The following ME3 variants were observed in gnomAD, a reference collection of about 807,000 sequenced individuals.
ME3 encodes NADP-dependent malic enzyme, mitochondrial.
A neutral mutation model predicts 68.9 loss-of-function variants in ME3; 48 were observed. The observed-to-expected ratio is 0.70, with a 90% confidence interval of 0.55 to 0.89. The LOEUF (loss-of-function observed/expected upper bound fraction) is 0.89. ME3 is among the 40% of genes least tolerant of loss of function. The pLI is 0.00. For synonymous variants in ME3, 320 were observed against 318.8 expected (o/e 1.00, Z -0.04); for missense variants, 675 against 797.4 (o/e 0.85, Z 1.85).
chr11:86,608,932 CAATT>C (rs1942354848), intron 2 of ME3, among the ~76,000 whole-genome samples: 1 of 152,104 alleles, frequency 6.6e-6, no homozygotes, highest in South Asian at 2.1e-4. Context: ...TAATGGATAA[CAATT>C]GACATGATCG....
At chr11:86,601,805 C>T (rs949130877) in intron 2 of ME3, among the ~76,000 whole-genome samples, 5 of 151,766 alleles carry the variant, frequency 3.3e-5, no homozygotes, top group East Asian at 1.9e-4. Flanking sequence ...CAATATACAC[C>T]AATAAATAAA....
chr11:86,562,735 A>G (rs965172462), intron 2 of ME3, among the ~76,000 whole-genome samples: 1 of 151,992 alleles, frequency 6.6e-6, no homozygotes, highest in South Asian at 2.1e-4. Context: ...GGAATATTGT[A>G]TGATGCTGAG....
chr11:86,442,860 G>T (rs1487712486), exon 14 of ME3: 2 of 1,613,638 alleles, frequency 1.2e-6, no homozygotes, highest in Non-Finnish European at 1.7e-6. Flanking sequence ...GGATGGTGCT[G>T]AGTGGTGGGT....
intron 2 of ME3, among the ~76,000 whole-genome samples, chr11:86,615,087 T>C (rs1410020202): frequency 6.6e-6 from 1 of 152,180 alleles, no homozygotes; most frequent in Non-Finnish European, 1.5e-5. Context: ...TTGAGGTCCT[T>C]TTGGACATTT....
At chr11:86,615,533 C>T (rs2135227432) in intron 2 of ME3, among the ~76,000 whole-genome samples, 1 of 152,294 alleles carries the variant, frequency 6.6e-6, no homozygotes, top group African/African-American at 2.4e-5. Flanking sequence ...GAAATACAGG[C>T]CTCAAGGTGG....
At chr11:86,489,189 A>G (rs1951854783) in intron 6 of ME3, 1 of 152,198 alleles carries the variant, frequency 6.6e-6, no homozygotes, top group Non-Finnish European at 1.5e-5. Context: ...GCTGCAGGAC[A>G]CAAAGATAAG....
intron 2 of ME3, among the ~76,000 whole-genome samples, chr11:86,600,218 C>T (rs1335927244): frequency 6.6e-6 from 1 of 151,970 alleles, no homozygotes; most frequent in East Asian, 1.9e-4. Context: ...ATCTCACGTG[C>T]AGAGACACAC....
chr11:86,572,952 A>G (rs887756096), intron 2 of ME3, among the ~76,000 whole-genome samples: 2 of 152,156 alleles, frequency 1.3e-5, no homozygotes, highest in African/African-American at 4.8e-5. Flanking sequence ...TTGTTTCCTG[A>G]CATTTTAATA....
At chr11:86,558,493 A>C (rs1480099108) in intron 3 of ME3, among the ~76,000 whole-genome samples, 1 of 152,168 alleles carries the variant, frequency 6.6e-6, no homozygotes, top group Non-Finnish European at 1.5e-5. Flanking sequence ...TTCTGTGCTC[A>C]TCACCACTCA....
intron 7 of ME3, among the ~76,000 whole-genome samples, chr11:86,483,318 G>A (rs1276294282): frequency 1.3e-5 from 2 of 152,202 alleles, no homozygotes; most frequent in Admixed American, 1.3e-4. Context: ...AAGCGGGGTT[G>A]GCTCTGGAAG....
At chr11:86,448,885 A>T (rs923007800) in intron 10 of ME3, among the ~76,000 whole-genome samples, 1 of 152,174 alleles carries the variant, frequency 6.6e-6, no homozygotes, top group Admixed American at 6.5e-5. Flanking sequence ...CAGTGCAAAG[A>T]TGTCAGCTTT....
At chr11:86,651,332 G>T (rs1209169542) in intron 2 of ME3, among the ~76,000 whole-genome samples, 1 of 152,200 alleles carries the variant, frequency 6.6e-6, no homozygotes, top group Non-Finnish European at 1.5e-5. Flanking sequence ...AGCCTAACTG[G>T]GAGGCACCCC....
At chr11:86,617,896 A>G (rs751041706) in intron 2 of ME3, among the ~76,000 whole-genome samples, 5 of 152,206 alleles carry the variant, frequency 3.3e-5, no homozygotes, top group Admixed American at 6.5e-5. Context: ...TAATCCAAAA[A>G]TCTAAAAAAT....
intron 7 of ME3, among the ~76,000 whole-genome samples, chr11:86,477,123 C>A (rs1218412300): frequency 6.6e-6 from 1 of 152,130 alleles, no homozygotes; most frequent in African/African-American, 2.4e-5. Context: ...AGTACTCTCC[C>A]AGTCTTAAAA....
chr11:86,658,921 C>A (rs1248589326), intron 2 of ME3, among the ~76,000 whole-genome samples: 3 of 152,208 alleles, frequency 2.0e-5, no homozygotes, highest in African/African-American at 4.8e-5. Flanking sequence ...ACTCCTGTTT[C>A]ATCAACAGCA....
chr11:86,621,462 CT>C (rs1370710785), intron 2 of ME3, among the ~76,000 whole-genome samples: 3 of 152,012 alleles, frequency 2.0e-5, no homozygotes, highest in African/African-American at 7.3e-5. Flanking sequence ...TACAATTGGC[CT>C]GAGAATGTCT....
At chr11:86,479,684 C>G (rs1369979529) in intron 7 of ME3, among the ~76,000 whole-genome samples, 2 of 152,184 alleles carry the variant, frequency 1.3e-5, no homozygotes, top group Non-Finnish European at 2.9e-5. Context: ...TTGTCCCTTT[C>G]TCTGAATTTC....
chr11:86,497,232 C>T (rs578125515), intron 6 of ME3, among the ~76,000 whole-genome samples: 17 of 152,302 alleles, frequency 1.1e-4, no homozygotes, highest in African/African-American at 2.2e-4. Flanking sequence ...GATCCCGCCC[C>T]GATCAGCCTC....
At chr11:86,652,277 C>T (rs1204777385) in intron 2 of ME3, among the ~76,000 whole-genome samples, 2 of 152,054 alleles carry the variant, frequency 1.3e-5, no homozygotes, top group African/African-American at 2.4e-5. Flanking sequence ...AGAGCAACTC[C>T]AAGACACATA....
Sources: gnomAD v4.1 joint callset for allele counts (sites outside exome capture counted in the v4.1 genomes callset) on GRCh38, gnomAD v4.1.1 for gene constraint, MANE v1.5 for transcripts, NCBI Gene and HGNC (gene_info 2026-07-23, HGNC 2026-07-21) for gene names.